The following PRKCH variants were observed in gnomAD, a reference collection of about 807,000 sequenced individuals.
PRKCH encodes the protein protein kinase C eta.
PRKCH carries 28 observed loss-of-function variants against 82.5 expected under a neutral mutation model. That is an observed-to-expected ratio of 0.34 (90% CI 0.25 to 0.47). The LOEUF (loss-of-function observed/expected upper bound fraction) is 0.47. Among genes scored for constraint, PRKCH ranks in the 20% least tolerant of loss-of-function variants. The pLI, the probability that PRKCH is intolerant of heterozygous loss-of-function variation, is 1.00. For missense variants in PRKCH, 705 were observed against 881.8 expected (o/e 0.80, Z 2.54); for synonymous variants, 322 against 327.4 (o/e 0.98, Z 0.18).
At chr14:61,230,996 A>G (rs1046349956) in intron 1 of PRKCH, among the ~76,000 whole-genome samples, 1 of 152,234 alleles carries the variant, frequency 6.6e-6, no homozygotes, top group Non-Finnish European at 1.5e-5. Context: ...GAGGAAGGGA[A>G]AACTACTACA....
At chr14:61,312,420 A>C (rs1293307343) in intron 1 of PRKCH, among the ~76,000 whole-genome samples, 1 of 152,294 alleles carries the variant, frequency 6.6e-6, no homozygotes, top group African/African-American at 2.4e-5. Context: ...TTTCACTAAC[A>C]ATATATTGAG....
chr14:61,291,993 T>C (rs1016202235), intron 1 of PRKCH, among the ~76,000 whole-genome samples: 2 of 152,102 alleles, frequency 1.3e-5, no homozygotes, highest in African/African-American at 4.8e-5. Flanking sequence ...TGATCAGTGG[T>C]GAAATAGCTG....
At chr14:61,525,531 G>A (rs2139999583) in intron 10 of PRKCH, 1 of 152,338 alleles carries the variant, frequency 6.6e-6, no homozygotes, top group African/African-American at 2.4e-5. Flanking sequence ...TCCCCATGCA[G>A]AGCTGATTGT....
At chr14:61,188,732 TGTGTGTGA>T (rs1293062260) in intron 1 of PRKCH, among the ~76,000 whole-genome samples, 11 of 147,526 alleles carry the variant, frequency 7.5e-5, no homozygotes, top group African/African-American at 2.5e-4. Context: ...TGTGTGTGTG[TGTGTGTGA>T]TGGAGTTTTG....
chr14:61,252,127 C>T (rs1165614375), intron 1 of PRKCH, among the ~76,000 whole-genome samples: 1 of 152,170 alleles, frequency 6.6e-6, no homozygotes, highest in South Asian at 2.1e-4. Flanking sequence ...CATGAGCCAC[C>T]GTGCCCAGCC....
chr14:61,457,370 G>A lies in PRKCH; in HGVS notation c.1104+51G>A, dbSNP rs1884822111. The A allele has an allele frequency of 1.9e-6, 3 of 1,585,274 alleles. No homozygotes were observed. The South Asian group carries it at 3.4e-5, about 18-fold the overall frequency. On this transcript the variant is annotated intron_variant, in intron 8 of 13. Transcript: ENST00000332981. Reference sequence around the variant, plus strand: ...GTTGAAGTAAGTGTGCTCTGTGTATGGGGGGTGTGTGTGTGTGTGCACGCA... The same window carrying A: ...GTTGAAGTAAGTGTGCTCTGTGTATAGGGGGTGTGTGTGTGTGTGCACGCA...
chr14:61,287,956 A>G (rs1381589820), intron 1 of PRKCH, among the ~76,000 whole-genome samples: 1 of 152,218 alleles, frequency 6.6e-6, no homozygotes, highest in Non-Finnish European at 1.5e-5. Flanking sequence ...TAGTGACTAT[A>G]TCTGTTTGAA....
At chr14:61,361,742 G>A (rs188180335) in intron 1 of PRKCH, among the ~76,000 whole-genome samples, 31 of 152,290 alleles carry the variant, frequency 2.0e-4, no homozygotes, top group Non-Finnish European at 1.0e-4. Context: ...CAGGCAAGGG[G>A]ACAATTTCTT....
chr14:61,466,965 C>T (rs138860472), intron 9 of PRKCH, among the ~76,000 whole-genome samples: 1 of 152,352 alleles, frequency 6.6e-6, no homozygotes, highest in East Asian at 1.9e-4. Context: ...AATGCCATCG[C>T]TGCATACATG....
At chr14:61,453,880 A>G (rs1362455458) in intron 7 of PRKCH, among the ~76,000 whole-genome samples, 1 of 151,474 alleles carries the variant, frequency 6.6e-6, no homozygotes, top group African/African-American at 2.4e-5. Flanking sequence ...CTGGTCTCAA[A>G]CTCCTGGGCT....
chr14:61,453,015 G>T (rs1443436718), intron 6 of PRKCH: 10 of 595,020 alleles, frequency 1.7e-5, no homozygotes, highest in Non-Finnish European at 2.6e-5. Context: ...TTATTCTTTA[G>T]TATGCTTGCC....
At chr14:61,433,873 T>C (rs1416335097) in intron 2 of PRKCH, among the ~76,000 whole-genome samples, 2 of 152,228 alleles carry the variant, frequency 1.3e-5, no homozygotes, top group Non-Finnish European at 2.9e-5. Flanking sequence ...TTTCAGTGAT[T>C]ATTGATGTAA....
At chr14:61,194,182 A>T (rs1338142044) in intron 1 of PRKCH, among the ~76,000 whole-genome samples, 1 of 152,268 alleles carries the variant, frequency 6.6e-6, no homozygotes, top group East Asian at 1.9e-4. Flanking sequence ...AGAGATTATA[A>T]ATATGCATCC....
intron 1 of PRKCH, among the ~76,000 whole-genome samples, chr14:61,354,239 T>G (rs549510821): frequency 6.6e-6 from 1 of 152,326 alleles, no homozygotes; most frequent in South Asian, 2.1e-4. Context: ...TGATCTATAT[T>G]ATTCTTAATT....
chr14:61,509,368 A>G (rs927262392), intron 10 of PRKCH, among the ~76,000 whole-genome samples: 3 of 152,162 alleles, frequency 2.0e-5, no homozygotes, highest in African/African-American at 4.8e-5. Context: ...TTGTTTGACC[A>G]TGAAGGAGAC....
At chr14:61,414,777 C>T (rs541349196) in intron 2 of PRKCH, among the ~76,000 whole-genome samples, 1 of 152,148 alleles carries the variant, frequency 6.6e-6, no homozygotes, top group Non-Finnish European at 1.5e-5. Flanking sequence ...CTGTGCCTGG[C>T]CCATTTAATC....
intron 1 of PRKCH, among the ~76,000 whole-genome samples, chr14:61,386,219 G>T (rs185967806): frequency 6.6e-6 from 1 of 152,298 alleles, no homozygotes; most frequent in African/African-American, 2.4e-5. Flanking sequence ...GAAGAGCTTA[G>T]GCTGAAAGGT....
intron 1 of PRKCH, among the ~76,000 whole-genome samples, chr14:61,237,784 G>C (rs2044803573): frequency 6.6e-6 from 1 of 152,090 alleles, no homozygotes; most frequent in Non-Finnish European, 1.5e-5. Context: ...TTAGTGTCCT[G>C]TGTCTCCCTA....
At chr14:61,529,702 C>T (rs978361518) in intron 11 of PRKCH, among the ~76,000 whole-genome samples, 8 of 128,920 alleles carry the variant, frequency 6.2e-5, no homozygotes, top group African/African-American at 2.4e-4. Flanking sequence ...GGGAATTGAA[C>T]GATGAGATCA....
Sources: allele counts gnomAD v4.1 joint callset (sites outside exome capture counted in the v4.1 genomes callset), GRCh38; gene constraint gnomAD v4.1.1; transcripts MANE v1.5; gene names NCBI Gene and HGNC (gene_info 2026-07-23, HGNC 2026-07-21).